Variants in FILIP1 observed in about 807,000 individuals in gnomAD.
The protein encoded by FILIP1 is filamin A interacting protein 1.
Under a neutral mutation model 102.1 loss-of-function variants are expected in FILIP1, and 61 were observed. The ratio of observed to expected loss-of-function variants is 0.60; its 90% CI spans 0.49 to 0.74. The LOEUF is 0.74. FILIP1 is among the 30% of genes least tolerant of loss of function. FILIP1 has a pLI of 0.00. For missense variants in FILIP1, 1,314 were observed against 1,441.2 expected, an observed-to-expected ratio of 0.91 and a Z score of 1.43; for synonymous variants, 491 against 526.9, an observed-to-expected ratio of 0.93 and a Z score of 0.93.
At chr6:75,388,774 G>T (rs1235739200) in intron 2 of FILIP1, among the ~76,000 whole-genome samples, 1 of 152,188 alleles carries the variant, frequency 6.6e-6, no homozygotes. Flanking sequence ...AGGAGTTTTG[G>T]GCTGAAATGA....
At chr6:75,452,203 T>C (rs755846498) in intron 1 of FILIP1, among the ~76,000 whole-genome samples, 1 of 152,042 alleles carries the variant, frequency 6.6e-6, no homozygotes, top group African/African-American at 2.4e-5. Context: ...TGGTGTGCTG[T>C]ACCCTTTAAC....
At chr6:75,295,834 G>T in exon 7 of FILIP1, 1 of 969,074 alleles carries the variant, frequency 1.0e-6, no homozygotes, top group Non-Finnish European at 1.4e-6. Context: ...GAGGACCTTA[G>T]TCATGATTGA....
intron 1 of FILIP1, among the ~76,000 whole-genome samples, chr6:75,454,584 G>C (rs73461774): frequency 0.01 from 1,558 of 152,206 alleles, 40 homozygotes; most frequent in African/African-American, 0.036. Flanking sequence ...TAATAACAAA[G>C]AATAACTAAA....
chr6:75,390,802 T>C (rs998521098), intron 2 of FILIP1, among the ~76,000 whole-genome samples: 2 of 152,076 alleles, frequency 1.3e-5, no homozygotes, highest in Non-Finnish European at 2.9e-5. Context: ...GGTCATTCAT[T>C]TTCCTTCCTT....
At chr6:75,426,773 G>T (rs971579463) in intron 1 of FILIP1, among the ~76,000 whole-genome samples, 1 of 152,024 alleles carries the variant, frequency 6.6e-6, no homozygotes, top group African/African-American at 2.4e-5. Context: ...CGACAACAGA[G>T]GATACAGGCA....
At chr6:75,306,686 C>T (rs151336264), downstream of FILIP1, among the ~76,000 whole-genome samples, 1 of 152,282 alleles carries the variant, frequency 6.6e-6, no homozygotes, top group East Asian at 1.9e-4. Flanking sequence ...CAGTCTCTCC[C>T]TCTCCTTTGA....
At chr6:75,418,355 T>C (rs1037415371) in intron 1 of FILIP1, among the ~76,000 whole-genome samples, 4 of 152,240 alleles carry the variant, frequency 2.6e-5, no homozygotes, top group Non-Finnish European at 5.9e-5. Context: ...TCTGAAATAA[T>C]TAACCTTCTG....
At chr6:75,309,979 C>A (rs1002492724) in intron 5 of FILIP1, among the ~76,000 whole-genome samples, 1 of 152,236 alleles carries the variant, frequency 6.6e-6, no homozygotes, top group Non-Finnish European at 1.5e-5. Context: ...ATGATCATCA[C>A]CCTTTCAGTG....
chr6:75,331,674 C>T (rs184420343), intron 4 of FILIP1, among the ~76,000 whole-genome samples: 8 of 152,252 alleles, frequency 5.3e-5, no homozygotes, highest in Non-Finnish European at 1.0e-4. Context: ...TTTGTCAGAA[C>T]TGGAAAGATC....
At chr6:75,332,788 C>G (rs1774123487) in intron 4 of FILIP1, among the ~76,000 whole-genome samples, 1 of 152,098 alleles carries the variant, frequency 6.6e-6, no homozygotes, top group Non-Finnish European at 1.5e-5. Flanking sequence ...ATGGAAGGCA[C>G]TTGTGGTCAC....
rs140207986 is a variant in FILIP1 at position 75,420,167 on chromosome 6, T to C, written c.-6-5189A>G. Among the ~76,000 whole-genome samples, 108 of 152,108 alleles carry C rather than the reference T, an allele frequency of 7.1e-4. No homozygotes were observed. In the East Asian group the frequency reaches 9.3e-3, roughly 13 times the overall value. Reference sequence around the variant, plus strand: ...TGTCATGAAAAGGCCAAGGAAAATATCATACTGTGGCAAATAGAAAAATAT... The same window carrying C: ...TGTCATGAAAAGGCCAAGGAAAATACCATACTGTGGCAAATAGAAAAATAT... On this transcript the variant is annotated intron_variant, in intron 1 of 5. Transcript: ENST00000237172.
At chr6:75,421,419 C>A (rs751088745) in intron 1 of FILIP1, among the ~76,000 whole-genome samples, 2 of 152,120 alleles carry the variant, frequency 1.3e-5, no homozygotes, top group Non-Finnish European at 2.9e-5. Flanking sequence ...GACACAGGTC[C>A]CAGATCCTTA....
chr6:75,313,568 A>G lies in FILIP1; in HGVS notation c.2264T>C (p.Phe755Ser). The G allele has an allele frequency of 6.2e-7, 1 of 1,614,086 alleles. No individual in the cohort carries two copies. Among genetic ancestry groups the G allele is most frequent in the Non-Finnish European group, 8.5e-7 (1 of 1,180,016 alleles). The change falls in exon 5 of 6, where the codon TTT becomes TCT. Residue 755 changes from phenylalanine to serine, a missense_variant. Coordinates refer to ENST00000237172, the MANE Select transcript of FILIP1 (RefSeq NM_015687.5). The surrounding 1 kb of genome is among the most constrained non-coding windows in gnomAD (Gnocchi z 4.2). The stretch of plus-strand genomic sequence containing the variant: ...TTTGTTCTTATTTTCTTCTTCCATA[A>G]ATCTTTGTTGAAGTACAGAATAATC... ...QVDYSVLQQR[F>S]MEEENKNKNM...
chr6:75,440,987 CTTTTTTTTTTTT>C (rs930308096), intron 1 of FILIP1, among the ~76,000 whole-genome samples: 3 of 141,228 alleles, frequency 2.1e-5, no homozygotes, highest in Middle Eastern at 3.6e-3. Flanking sequence ...GTAAAACTTC[CTTTTTTTTTTTT>C]TTATTGATCA....
At chr6:75,433,478 T>C (rs994468182) in intron 1 of FILIP1, among the ~76,000 whole-genome samples, 1 of 152,248 alleles carries the variant, frequency 6.6e-6, no homozygotes, top group African/African-American at 2.4e-5. Context: ...ATGTCTTCTT[T>C]TGAGAAGTGT....
intron 1 of FILIP1, among the ~76,000 whole-genome samples, chr6:75,492,597 C>A (rs1187956933): frequency 6.6e-6 from 1 of 152,106 alleles, no homozygotes; most frequent in Non-Finnish European, 1.5e-5. Context: ...CATGGCAACT[C>A]ATGGAAGGGG....
At chr6:75,442,786 C>T (rs1435100668) in intron 1 of FILIP1, among the ~76,000 whole-genome samples, 1 of 152,138 alleles carries the variant, frequency 6.6e-6, no homozygotes, top group Non-Finnish European at 1.5e-5. Flanking sequence ...GAAACTTCCT[C>T]TTTCTTCCCA....
At chr6:75,433,767 C>A (rs1389039516) in intron 1 of FILIP1, among the ~76,000 whole-genome samples, 1 of 152,162 alleles carries the variant, frequency 6.6e-6, no homozygotes, top group African/African-American at 2.4e-5. Context: ...CTTGTCCATG[C>A]CTATGTCCTG....
At chr6:75,361,344 G>A (rs983856907) in intron 3 of FILIP1, among the ~76,000 whole-genome samples, 1 of 152,166 alleles carries the variant, frequency 6.6e-6, no homozygotes, top group Admixed American at 6.5e-5. Flanking sequence ...CTCTGCAGAC[G>A]CACCTCTCCC....
Sources: gnomAD v4.1 joint callset for allele counts (sites outside exome capture counted in the v4.1 genomes callset) on GRCh38, gnomAD v4.1.1 for gene constraint, Gnocchi (gnomAD v3.1) non-coding constraint, MANE v1.5 for transcripts, NCBI Gene and HGNC (gene_info 2026-07-23, HGNC 2026-07-21) for gene names.